The following CNBP variants were observed in gnomAD, a reference collection of about 807,000 sequenced individuals.
CNBP encodes the protein CCHC-type zinc finger nucleic acid binding protein.
A neutral mutation model predicts 21.2 loss-of-function variants in CNBP; 6 were observed. The observed-to-expected ratio is 0.28, with a 90% CI of 0.16 to 0.56. The LOEUF (loss-of-function observed/expected upper bound fraction) is 0.56. Ranked by LOEUF, CNBP falls within the 20% of genes least tolerant of loss-of-function variation. The probability of loss-of-function intolerance (pLI) is 0.93; values close to 1 mark genes in which losing one functional copy is unlikely to be tolerated. For missense variants in CNBP, 112 were observed against 233.1 expected, an observed-to-expected ratio of 0.48 and a Z score of 3.38; for synonymous variants, 61 against 74.9, an observed-to-expected ratio of 0.81 and a Z score of 0.96.
Position 129,171,783 on chromosome 3 carries a change from T to TA in CNBP, c.-14-13dup. On this transcript the variant is annotated splice_polypyrimidine_tract_variant and intron_variant, in intron 1 of 4. Transcript: ENST00000422453. ...GGCTGCAGTCAGATCTTTGAAATATTAAAAGTAACAGCATTAAACCACTGA... is the reference window on the plus strand; with the variant it reads ...GGCTGCAGTCAGATCTTTGAAATATTAAAAAGTAACAGCATTAAACCACTGA... 1.2e-6 allele frequency: 2 copies of TA among 1,606,970 alleles called. No individual in the cohort carries two copies. The highest frequency in any genetic ancestry group is 2.2e-5 in the South Asian group (2 of 90,524).
chr3:129,177,060 C>T (rs1037811682), intron 1 of CNBP, among the ~76,000 whole-genome samples: 9 of 152,320 alleles, frequency 5.9e-5, no homozygotes, highest in South Asian at 2.1e-4. Context: ...CATCCAGGTT[C>T]TGTTAGTCCA....
At chr3:129,179,172 G>A (rs769913222) in intron 1 of CNBP, among the ~76,000 whole-genome samples, 3 of 152,220 alleles carry the variant, frequency 2.0e-5, no homozygotes, top group Non-Finnish European at 4.4e-5. Flanking sequence ...AAATACTCAG[G>A]AGGCTGAGGC....
intron 1 of CNBP, among the ~76,000 whole-genome samples, chr3:129,178,012 A>C (rs1938035165): frequency 6.6e-6 from 1 of 152,086 alleles, no homozygotes; most frequent in African/African-American, 2.4e-5. Flanking sequence ...TACAAAAATT[A>C]GCTGGACATG....
At chr3:129,176,239 G>GT (rs1937900507) in intron 1 of CNBP, among the ~76,000 whole-genome samples, 1 of 152,040 alleles carries the variant, frequency 6.6e-6, no homozygotes, top group Non-Finnish European at 1.5e-5. Flanking sequence ...GCACTGTCCT[G>GT]GTCTCCCCTG....
At position 129,176,935 on chromosome 3, in the gene CNBP, T is replaced by A. The variant is rs979804850; in HGVS notation, c.-14-5164A>T. On this transcript the variant is annotated intron_variant, in intron 1 of 4. Coordinates refer to ENST00000422453, the MANE Select transcript of CNBP (RefSeq NM_003418.5). ...TCAAAGGAAGAAAGCTGCTGAATCA[T>A]AAAACCATGAAAATTAGATTTCAGA... 6.6e-5 allele frequency among the ~76,000 whole-genome samples: 10 copies of A among 152,264 alleles called. No individual in the cohort carries two copies. In the East Asian group the frequency reaches 1.4e-3, roughly 21 times the overall value.
At chr3:129,176,583 C>G (rs1937920636) in intron 1 of CNBP, among the ~76,000 whole-genome samples, 1 of 152,180 alleles carries the variant, frequency 6.6e-6, no homozygotes, top group Non-Finnish European at 1.5e-5. Context: ...TAATCAAGTA[C>G]TAACAACAAA....
At chr3:129,171,369 G>A (rs769987532) in intron 3 of CNBP, 77 bp downstream of exon 3, 3 of 1,594,558 alleles carry the variant, frequency 1.9e-6, no homozygotes, top group Non-Finnish European at 2.6e-6. Context: ...CTCAAAGGTG[G>A]AAATGCTATA....
chr3:129,180,217 G>GT (rs1938206038), intron 1 of CNBP, among the ~76,000 whole-genome samples: 1 of 151,572 alleles, frequency 6.6e-6, no homozygotes, highest in Non-Finnish European at 1.5e-5. Flanking sequence ...TTGTAATGCT[G>GT]TAAGTATTCA....
At chr3:129,180,873 T>G (rs1938240924) in intron 1 of CNBP, among the ~76,000 whole-genome samples, 1 of 152,130 alleles carries the variant, frequency 6.6e-6, no homozygotes, top group Admixed American at 6.6e-5. Context: ...AATGGTGGTT[T>G]CACTGCTTTT....
chr3:129,173,413 CCAT>C (rs1937673115), intron 1 of CNBP, among the ~76,000 whole-genome samples: 1 of 152,098 alleles, frequency 6.6e-6, no homozygotes, highest in Non-Finnish European at 1.5e-5. Context: ...AGGAAAACGA[CCAT>C]GAGTTACACC....
intron 4 of CNBP, 111 bp downstream of exon 4, chr3:129,170,967 TG>T: frequency 1.8e-6 from 2 of 1,111,886 alleles, no homozygotes; most frequent in Non-Finnish European, 2.6e-6. Flanking sequence ...TGGTCTTATC[TG>T]GTCACAGCTA....
chr3:129,175,490 C>T (rs1470004911), intron 1 of CNBP, among the ~76,000 whole-genome samples: 13 of 148,026 alleles, frequency 8.8e-5, no homozygotes, highest in Non-Finnish European at 5.9e-5. Context: ...AGTGCGGTGG[C>T]GCCATCTTGG....
At chr3:129,177,071 A>G (rs1937952208) in intron 1 of CNBP, among the ~76,000 whole-genome samples, 1 of 152,224 alleles carries the variant, frequency 6.6e-6, no homozygotes, top group African/African-American at 2.4e-5. Flanking sequence ...TGTTAGTCCA[A>G]GAATTCATAA....
At chr3:129,172,402 C>A (rs1436959101) in intron 1 of CNBP, among the ~76,000 whole-genome samples, 1 of 150,312 alleles carries the variant, frequency 6.7e-6, no homozygotes, top group South Asian at 2.1e-4. Flanking sequence ...GCCAACATGG[C>A]GAAACCCCGT....
intron 1 of CNBP, among the ~76,000 whole-genome samples, chr3:129,183,116 A>C (rs934856462): frequency 6.6e-6 from 1 of 151,910 alleles, no homozygotes; most frequent in Non-Finnish European, 1.5e-5. Context: ...ATGCCCGGCT[A>C]ATTTTTTATT....
intron 4 of CNBP, 48 bp from the exon 5 acceptor site, chr3:129,170,618 G>T: frequency 1.4e-6 from 2 of 1,445,292 alleles, no homozygotes; most frequent in Non-Finnish European, 1.9e-6. Flanking sequence ...GAAAAAAACT[G>T]TCTACCAAAG....
rs747502966 is a variant in CNBP at position 129,169,625 on chromosome 3, A to G, written c.*828T>C. 3.3e-5 allele frequency: 7 copies of G among 209,022 alleles called. No individual in the cohort carries two copies. The highest frequency in any genetic ancestry group is 4.9e-5 in the Non-Finnish European group (5 of 102,602). 12.9% of individuals were successfully genotyped at this position (209,022 alleles called of 1,614,324 possible). ...TGGAATAGTTTAAAATTACATTTCT[A>G]TTTTCTAGGACTTCAGTTGCTCTTT... On this transcript the variant is annotated 3_prime_UTR_variant, in exon 5 of 5. Coordinates refer to ENST00000422453, the MANE Select transcript of CNBP (RefSeq NM_003418.5).
intron 1 of CNBP, among the ~76,000 whole-genome samples, chr3:129,181,619 C>T (rs1938299379): frequency 9.7e-6 from 1 of 102,934 alleles, no homozygotes; most frequent in Admixed American, 1.6e-4. Context: ...CACTGCACTC[C>T]AGCTTGGGCG....
rs1320344919 is a variant in CNBP, at chr3:129,168,823, G to A, written c.*1630C>T. ...TAAAAATACAAAAAATAGGCCGGGCGCGGTGGCTCACGCCTGTGATCCCAG... is the reference window on the plus strand; with the variant it reads ...TAAAAATACAAAAAATAGGCCGGGCACGGTGGCTCACGCCTGTGATCCCAG... On this transcript the variant is annotated 3_prime_UTR_variant, in exon 5 of 5. Coordinates refer to ENST00000422453, the MANE Select transcript of CNBP (RefSeq NM_003418.5). 1.3e-5 allele frequency among the ~76,000 whole-genome samples: 2 copies of A among 151,810 alleles called. No individual in the cohort carries two copies. Among genetic ancestry groups the A allele is most frequent in the South Asian group, 2.1e-4 (1 of 4,822 alleles).
Sources: allele counts gnomAD v4.1 joint callset (sites outside exome capture counted in the v4.1 genomes callset), GRCh38; gene constraint gnomAD v4.1.1; transcripts MANE v1.5; gene names NCBI Gene and HGNC (gene_info 2026-07-23, HGNC 2026-07-21).